The following CCDC88A variants were observed in gnomAD, a reference collection of about 807,000 sequenced individuals.
CCDC88A encodes the protein coiled-coil and HOOK domain protein 88A.
Under a neutral mutation model 234.3 loss-of-function variants are expected in CCDC88A, and 54 were observed. That is an observed-to-expected ratio of 0.23 (90% CI 0.19 to 0.29). The LOEUF (loss-of-function observed/expected upper bound fraction) is 0.29. Ranked by LOEUF, CCDC88A falls within the 10% of genes least tolerant of loss-of-function variation. CCDC88A has a pLI of 1.00. For synonymous variants in CCDC88A, 753 were observed against 737.8 expected (o/e 1.02, Z -0.33); for missense variants, 1,832 against 2,123.4 (o/e 0.86, Z 2.70).
intron 25 of CCDC88A, among the ~76,000 whole-genome samples, chr2:55,305,458 A>G (rs979122842): frequency 6.6e-6 from 1 of 152,246 alleles, no homozygotes; most frequent in African/African-American, 2.4e-5. Flanking sequence ...TCAGCAGAGA[A>G]TATGAAATGA....
chr2:55,381,722 C>T (rs1015737650), intron 3 of CCDC88A, among the ~76,000 whole-genome samples: 3 of 152,102 alleles, frequency 2.0e-5, no homozygotes, highest in African/African-American at 7.2e-5. Flanking sequence ...TTAGCCTTTC[C>T]TTCTTCCAAG....
intron 3 of CCDC88A, among the ~76,000 whole-genome samples, chr2:55,385,228 G>T (rs1001902523): frequency 2.0e-5 from 3 of 152,052 alleles, no homozygotes; most frequent in Non-Finnish European, 4.4e-5. Flanking sequence ...AATCAGATAT[G>T]AAATCTAAAA....
At chr2:55,411,274 G>C (rs1476161661) in intron 2 of CCDC88A, among the ~76,000 whole-genome samples, 1 of 152,038 alleles carries the variant, frequency 6.6e-6, no homozygotes, top group Non-Finnish European at 1.5e-5. Context: ...TTTATCCTGT[G>C]AGAACTAGTC....
intron 2 of CCDC88A, among the ~76,000 whole-genome samples, chr2:55,406,775 T>C (rs989738372): frequency 2.1e-5 from 3 of 145,364 alleles, no homozygotes; most frequent in African/African-American, 7.6e-5. Context: ...AAAAAAAAAA[T>C]CAAAGACTAG....
intron 2 of CCDC88A, among the ~76,000 whole-genome samples, chr2:55,399,427 G>A (rs948289168): frequency 6.6e-6 from 1 of 151,666 alleles, no homozygotes; most frequent in East Asian, 1.9e-4. Context: ...TATTCAGGAG[G>A]CTGAGGCAGA....
At chr2:55,336,572 A>T in intron 14 of CCDC88A, 109 bp downstream of exon 14, 1 of 659,660 alleles carries the variant, frequency 1.5e-6, no homozygotes, top group South Asian at 3.2e-5. Context: ...AAAAATTCTA[A>T]AATATTTCCC....
intron 2 of CCDC88A, among the ~76,000 whole-genome samples, chr2:55,408,082 A>T (rs1257956243): frequency 6.6e-6 from 1 of 152,202 alleles, no homozygotes; most frequent in Non-Finnish European, 1.5e-5. Flanking sequence ...TCATAGTTTC[A>T]TTAAAAAAAT....
intron 3 of CCDC88A, among the ~76,000 whole-genome samples, chr2:55,377,827 C>G (rs948821086): frequency 6.7e-5 from 5 of 74,298 alleles, no homozygotes; most frequent in African/African-American, 2.9e-4. Context: ...AGGCTGGTCT[C>G]TAACTCCTGA....
chr2:55,409,695 G>A (rs1328039099), intron 2 of CCDC88A, among the ~76,000 whole-genome samples: 1 of 150,510 alleles, frequency 6.6e-6, no homozygotes, highest in Non-Finnish European at 1.5e-5. Context: ...CTTCCACTGG[G>A]AGAGGAGTCC....
At chr2:55,404,205 CA>C (rs1260840436) in intron 2 of CCDC88A, 1 of 152,088 alleles carries the variant, frequency 6.6e-6, no homozygotes, top group African/African-American at 2.4e-5. Context: ...AGAAAAATCC[CA>C]AAGAACAATG....
chr2:55,295,888 A>G lies in CCDC88A; in HGVS notation c.5260T>C (p.Leu1754=), dbSNP rs187224522. 5.6e-5 allele frequency: 91 copies of G among 1,614,146 alleles called. No individual in the cohort carries two copies. Among genetic ancestry groups the G allele is most frequent in the South Asian group, 4.4e-4 (40 of 91,082 alleles). Residue 1754 remains leucine (L), a synonymous_variant, in exon 31 of 33, where the codon TTG becomes CTG. Transcript: ENST00000436346. Reference sequence around the variant, plus strand: ...TCAGTTTTTCGAGGACCAGGTCTCAAAAACTCAGGCTTAGTTGTCCGTCTA... The same window carrying G: ...TCAGTTTTTCGAGGACCAGGTCTCAGAAACTCAGGCTTAGTTGTCCGTCTA... The part of the protein sequence containing the change: ...YDRRTTKPEF[L]RPGPRKTEDT...
intron 2 of CCDC88A, among the ~76,000 whole-genome samples, chr2:55,413,807 T>G (rs1250212331): frequency 6.6e-6 from 1 of 151,490 alleles, no homozygotes; most frequent in African/African-American, 2.4e-5. Context: ...CAAAAATTAG[T>G]CAAGCATGGT....
At chr2:55,392,823 T>C (rs1193911287) in intron 2 of CCDC88A, among the ~76,000 whole-genome samples, 1 of 152,216 alleles carries the variant, frequency 6.6e-6, no homozygotes, top group Non-Finnish European at 1.5e-5. Flanking sequence ...GATTCCCACA[T>C]TAAGTGTAGG....
chr2:55,376,980 A>G (rs568163328), intron 3 of CCDC88A, among the ~76,000 whole-genome samples: 68 of 151,964 alleles, frequency 4.5e-4, no homozygotes, highest in African/African-American at 1.6e-3. Context: ...ACAGGCGCCC[A>G]CCACCATGCC....
At chr2:55,321,923 TAAA>T (rs5831352) in intron 18 of CCDC88A, among the ~76,000 whole-genome samples, 2 of 146,384 alleles carry the variant, frequency 1.4e-5, no homozygotes, top group Admixed American at 6.8e-5. Context: ...TGTGTTAAAT[TAAA>T]AAAAAAAAAA....
intron 12 of CCDC88A, 89 bp from the exon 13 acceptor site, chr2:55,339,737 G>A: frequency 1.0e-6 from 1 of 964,536 alleles, no homozygotes; most frequent in Middle Eastern, 2.2e-4. Flanking sequence ...GAGTGTATAT[G>A]CATTGCATCA....
intron 2 of CCDC88A, chr2:55,417,829 T>C (rs1300912449): frequency 6.6e-6 from 1 of 152,098 alleles, no homozygotes; most frequent in East Asian, 1.9e-4. Context: ...GGTAGACTTA[T>C]TCTCTAGTAA....
chr2:55,292,000 C>T, intron 31 of CCDC88A: 1 of 319,310 alleles, frequency 3.1e-6, no homozygotes, highest in Non-Finnish European at 5.5e-6. Context: ...AAAACTATAA[C>T]AATTACATTT....
chr2:55,383,523 C>T (rs746774761), intron 3 of CCDC88A, among the ~76,000 whole-genome samples: 3 of 151,032 alleles, frequency 2.0e-5, no homozygotes, highest in Admixed American at 6.6e-5. Context: ...CTCAGGAAGC[C>T]GAGGCAGGAG....
Sources: gnomAD v4.1 joint callset for allele counts (sites outside exome capture counted in the v4.1 genomes callset) on GRCh38, gnomAD v4.1.1 for gene constraint, MANE v1.5 for transcripts, NCBI Gene and HGNC (gene_info 2026-07-23, HGNC 2026-07-21) for gene names.